The following GLB1 variants were observed in gnomAD, a reference collection of about 807,000 sequenced individuals.
GLB1 encodes the protein beta-galactosidase.
GLB1 carries 56 observed loss-of-function variants against 74.0 expected under a neutral mutation model. The ratio of observed to expected loss-of-function variants is 0.76; its 90% confidence interval spans 0.61 to 0.94. GLB1 has a LOEUF of 0.94. Ranked by LOEUF, GLB1 falls within the 40% of genes least tolerant of loss-of-function variation. GLB1 has a pLI of 0.00. For synonymous variants in GLB1, 323 were observed against 323.6 expected (o/e 1.00, Z 0.02); for missense variants, 787 against 845.5 (o/e 0.93, Z 0.86).
the GLB1 span, among the ~76,000 whole-genome samples, chr3:32,980,189 C>A: frequency 3.9e-5 from 6 of 152,284 alleles, no homozygotes; most frequent in African/African-American, 1.2e-4. Flanking sequence ...AACTTCGAAA[C>A]CGTTAATTAG....
chr3:33,042,370 C>CTCCTTTTT (rs1412186310), intron 10 of GLB1, among the ~76,000 whole-genome samples: 20 of 99,234 alleles, frequency 2.0e-4, no homozygotes, highest in African/African-American at 7.0e-4. Flanking sequence ...TCATCTCCTC[C>CTCCTTTTT]TTTTTTTTTT....
At chr3:33,045,401 T>C (rs6766207) in intron 10 of GLB1, 126,025 of 982,350 alleles carry the variant, frequency 0.13, 8,733 homozygotes, top group East Asian at 0.4. Context: ...ATTTACACAA[T>C]TGGCTTAAGG....
At chr3:33,034,904 C>G (rs1439362067) in intron 10 of GLB1, 1 of 372,206 alleles carries the variant, frequency 2.7e-6, no homozygotes, top group Admixed American at 3.3e-5. Flanking sequence ...AATCTACTGT[C>G]CAGCTGAAAG....
rs1462465779 is a variant in GLB1 at position 33,016,741 on chromosome 3, C to T, written c.1447G>A (p.Val483Met). The T allele has an allele frequency of 1.2e-6, 2 of 1,614,004 alleles. No individual in the cohort carries two copies. The highest frequency in any genetic ancestry group is 1.7e-6 in the Non-Finnish European group (2 of 1,180,002). ...TCGTTGATATATGCACCATAGTTCA[C>T]ACGTCCCATGTTCTCTACCAGAAGG... Reference protein sequence around the residue: ...LDLLVENMGRVNYGAYINDFK... With the variant: ...LDLLVENMGRMNYGAYINDFK... The change falls in exon 14 of 16, where the codon GTG (valine) becomes ATG (methionine). Residue 483 changes from valine (V) to methionine (M), a missense_variant. Coordinates refer to ENST00000307363, the MANE Select transcript of GLB1 (RefSeq NM_000404.4).
intron 1 of GLB1, among the ~76,000 whole-genome samples, chr3:33,078,056 T>C (rs1700187098): frequency 6.6e-6 from 1 of 151,710 alleles, no homozygotes; most frequent in Non-Finnish European, 1.5e-5. Context: ...AAGAAGCTTG[T>C]TGTTTAAACT....
chr3:32,966,420 C>A, the GLB1 span, among the ~76,000 whole-genome samples: 1 of 152,164 alleles, frequency 6.6e-6, no homozygotes, highest in African/African-American at 2.4e-5. Context: ...GCCGATTTCT[C>A]CCATTTGGAG....
intron 10 of GLB1, chr3:33,034,735 G>A (rs1415331970): frequency 2.9e-6 from 2 of 690,342 alleles, no homozygotes; most frequent in Non-Finnish European, 5.5e-6. Context: ...GGCAGTGGGT[G>A]TGTATCAGTG....
intron 1 of GLB1, among the ~76,000 whole-genome samples, chr3:33,080,854 ACAG>A (rs1377820110): frequency 1.3e-5 from 2 of 152,238 alleles, no homozygotes; most frequent in African/African-American, 4.8e-5. Context: ...AGTGGCCTCA[ACAG>A]CAGATCATCA....
intron 15 of GLB1, among the ~76,000 whole-genome samples, chr3:32,998,438 G>A (rs908885701): frequency 6.6e-6 from 1 of 152,058 alleles, no homozygotes; most frequent in African/African-American, 2.4e-5. Context: ...AACCCAGGGA[G>A]GCAGAGGTTG....
intron 1 of GLB1, among the ~76,000 whole-genome samples, chr3:33,081,602 C>T (rs536950110): frequency 6.6e-6 from 1 of 152,182 alleles, no homozygotes; most frequent in Admixed American, 6.5e-5. Context: ...CTTGGGAAGC[C>T]CCCCCAGTGG....
chr3:33,037,388 TTGAA>T (rs1036416804), intron 10 of GLB1, among the ~76,000 whole-genome samples: 3 of 152,236 alleles, frequency 2.0e-5, no homozygotes, highest in African/African-American at 7.2e-5. Flanking sequence ...ATGGTGTACT[TTGAA>T]TGGGAGAAAT....
the GLB1 span, among the ~76,000 whole-genome samples, chr3:32,973,069 G>A: frequency 2.0e-5 from 3 of 152,176 alleles, no homozygotes; most frequent in Non-Finnish European, 4.4e-5. Context: ...GCTTCCCCCT[G>A]CACAGATCTC....
intron 5 of GLB1, chr3:33,061,554 T>C (rs904562356): frequency 1.3e-5 from 2 of 152,218 alleles, no homozygotes; most frequent in Non-Finnish European, 1.5e-5. Context: ...GATTCCAATA[T>C]ACTTTTACTT....
chr3:33,067,033 G>A (rs1174909566), intron 4 of GLB1, among the ~76,000 whole-genome samples: 10 of 128,818 alleles, frequency 7.8e-5, no homozygotes, highest in African/African-American at 2.9e-4. Context: ...ACAGAGTTTC[G>A]CTCTTGTTGC....
At chr3:33,025,186 C>T (rs1384447698) in intron 10 of GLB1, among the ~76,000 whole-genome samples, 1 of 152,192 alleles carries the variant, frequency 6.6e-6, no homozygotes, top group Non-Finnish European at 1.5e-5. Context: ...CTCAGGTGAT[C>T]CGCCCGCCTC....
chr3:33,090,161 T>C (rs375491059), intron 1 of GLB1, among the ~76,000 whole-genome samples: 8 of 152,226 alleles, frequency 5.3e-5, no homozygotes, highest in Non-Finnish European at 5.9e-5. Context: ...GTTAATTTCA[T>C]TGGATATGAT....
chr3:33,076,044 CAAAA>C (rs71733863), intron 1 of GLB1, among the ~76,000 whole-genome samples: 1 of 79,692 alleles, frequency 1.3e-5, no homozygotes, highest in African/African-American at 3.4e-5. Flanking sequence ...GACTCTGTCT[CAAAA>C]AAAAAAAAAA....
At chr3:32,987,465 A>C in the GLB1 span, among the ~76,000 whole-genome samples, 1 of 152,136 alleles carries the variant, frequency 6.6e-6, no homozygotes, top group African/African-American at 2.4e-5. Context: ...CCCCTCTGTA[A>C]ACCACGTGCA....
chr3:33,012,843 C>G (rs1697085559), intron 15 of GLB1, among the ~76,000 whole-genome samples: 1 of 152,154 alleles, frequency 6.6e-6, no homozygotes, highest in Non-Finnish European at 1.5e-5. Context: ...CAACTTTGAA[C>G]ATCTCTCAAA....
Sources: allele counts gnomAD v4.1 joint callset (sites outside exome capture counted in the v4.1 genomes callset), GRCh38; gene constraint gnomAD v4.1.1; transcripts MANE v1.5; gene names NCBI Gene and HGNC (gene_info 2026-07-23, HGNC 2026-07-21).